The following INPP4B variants were observed in gnomAD, a reference collection of about 807,000 sequenced individuals.
The protein encoded by INPP4B is inositol polyphosphate-4-phosphatase type II B, also known as inositol polyphosphate 4-phosphatase type II.
In INPP4B, 55 loss-of-function variants were observed where a neutral mutation model predicts 122.5. That is an observed-to-expected ratio of 0.45 (90% CI 0.36 to 0.56). The LOEUF is 0.56. Ranked by LOEUF, INPP4B falls within the 20% of genes least tolerant of loss-of-function variation. The probability of loss-of-function intolerance (pLI) is 0.00; values close to 1 mark genes in which losing one functional copy is unlikely to be tolerated. For synonymous variants in INPP4B, 403 were observed against 388.7 expected, an observed-to-expected ratio of 1.04 and a Z score of -0.43; for missense variants, 1,000 against 1,097.7, an observed-to-expected ratio of 0.91 and a Z score of 1.26.
At chr4:142,562,031 G>C (rs1730588475) in intron 2 of INPP4B, among the ~76,000 whole-genome samples, 2 of 151,170 alleles carry the variant, frequency 1.3e-5, no homozygotes, top group Non-Finnish European at 2.9e-5. Context: ...ACTTCTCACA[G>C]GGGGAAAAAG....
intron 18 of INPP4B, among the ~76,000 whole-genome samples, chr4:142,132,033 G>T (rs1011703563): frequency 6.6e-6 from 1 of 151,458 alleles, no homozygotes; most frequent in Non-Finnish European, 1.5e-5. Context: ...CCTCTATCTC[G>T]GTTTCTCTGT....
At chr4:142,142,803 G>C (rs752840397) in intron 18 of INPP4B, among the ~76,000 whole-genome samples, 7 of 152,020 alleles carry the variant, frequency 4.6e-5, no homozygotes, top group Admixed American at 2.6e-4. Flanking sequence ...AATGATAAAC[G>C]TTTAAAGTGA....
chr4:142,701,736 A>G (rs1353600146), intron 2 of INPP4B, among the ~76,000 whole-genome samples: 1 of 152,114 alleles, frequency 6.6e-6, no homozygotes, highest in Non-Finnish European at 1.5e-5. Context: ...CAGAGGACAC[A>G]GTCGACTATG....
chr4:142,260,892 A>C (rs1739643048), intron 10 of INPP4B, among the ~76,000 whole-genome samples: 1 of 152,212 alleles, frequency 6.6e-6, no homozygotes, highest in Admixed American at 6.5e-5. Flanking sequence ...ATCATTTTGT[A>C]TTTCTTTCAC....
intron 2 of INPP4B, among the ~76,000 whole-genome samples, chr4:142,719,681 C>T (rs1764257582): frequency 6.6e-6 from 1 of 151,934 alleles, no homozygotes; most frequent in South Asian, 2.1e-4. Context: ...TTCTTAAAAA[C>T]TAAAAAATTA....
chr4:142,514,792 C>CTTTTTTT (rs3078620), intron 2 of INPP4B, among the ~76,000 whole-genome samples: 5 of 121,778 alleles, frequency 4.1e-5, no homozygotes, highest in Admixed American at 8.8e-5. Context: ...ACCATGATTT[C>CTTTTTTT]TTTTTTTTTT....
In INPP4B at chr4:142,184,883, G is replaced by A. The variant is rs147043067; in HGVS notation, c.1181+8204C>T. On this transcript the variant is annotated intron_variant, in intron 15 of 25. Transcript: ENST00000262992. ...AGAAGAAACCATGGCCAGAACACAT[G>A]TATATATTATTGCACCTTAGATTTT... Among the ~76,000 whole-genome samples, 9 of 152,274 alleles carry A rather than the reference G, an allele frequency of 5.9e-5. No individual in the cohort carries two copies. In the East Asian group the frequency reaches 1.5e-3, roughly 26 times the overall value.
chr4:142,611,855 G>C (rs1742612142), intron 2 of INPP4B, among the ~76,000 whole-genome samples: 4 of 151,866 alleles, frequency 2.6e-5, no homozygotes, highest in Admixed American at 2.6e-4. Context: ...TTTTAGTAGA[G>C]ATGGGGTTTC....
chr4:142,293,561 T>G (rs1757341860), intron 9 of INPP4B, among the ~76,000 whole-genome samples: 1 of 152,230 alleles, frequency 6.6e-6, no homozygotes, highest in Non-Finnish European at 1.5e-5. Flanking sequence ...AAAATCTGTC[T>G]TGTCTATTAT....
chr4:142,030,232 T>A, intron 25 of INPP4B: 1 of 1,535,642 alleles, frequency 6.5e-7, no homozygotes, highest in Non-Finnish European at 8.7e-7. Flanking sequence ...TGTCGAGAAG[T>A]TGGCTTGTTA....
chr4:142,797,521 A>T (rs149108776), intron 1 of INPP4B, among the ~76,000 whole-genome samples: 17 of 152,084 alleles, frequency 1.1e-4, no homozygotes, highest in African/African-American at 4.1e-4. Context: ...AGGTGATTGT[A>T]CTCCTACAAA....
At chr4:142,335,003 C>A (rs1052689637) in intron 7 of INPP4B, among the ~76,000 whole-genome samples, 1 of 151,430 alleles carries the variant, frequency 6.6e-6, no homozygotes, top group African/African-American at 2.4e-5. Flanking sequence ...GGCAAACACT[C>A]CCCTGAAAGC....
At chr4:142,178,613 T>C (rs1829398777) in intron 15 of INPP4B, among the ~76,000 whole-genome samples, 1 of 151,874 alleles carries the variant, frequency 6.6e-6, no homozygotes, top group Admixed American at 6.6e-5. Flanking sequence ...AGTGGAGCCA[T>C]TAAAAAATAG....
At chr4:142,277,454 G>A (rs1036829959) in intron 9 of INPP4B, among the ~76,000 whole-genome samples, 1 of 151,852 alleles carries the variant, frequency 6.6e-6, no homozygotes, top group African/African-American at 2.4e-5. Context: ...ATGTAAACTA[G>A]TATAACCACT....
chr4:142,783,858 G>T (rs1291922048), intron 1 of INPP4B, among the ~76,000 whole-genome samples: 3 of 151,918 alleles, frequency 2.0e-5, no homozygotes, highest in Admixed American at 2.0e-4. Flanking sequence ...TGTAGAGCAG[G>T]GTAAGAGGAA....
At chr4:142,517,115 C>T (rs1580262715) in intron 2 of INPP4B, among the ~76,000 whole-genome samples, 2 of 151,946 alleles carry the variant, frequency 1.3e-5, no homozygotes, top group East Asian at 1.9e-4. Flanking sequence ...TCCCACCTTC[C>T]ACCCTCTGCA....
intron 2 of INPP4B, among the ~76,000 whole-genome samples, chr4:142,531,136 A>G (rs949476652): frequency 3.3e-5 from 5 of 152,058 alleles, no homozygotes; most frequent in Admixed American, 2.6e-4. Context: ...GGGGCGGAGA[A>G]TTGTCTAGAT....
chr4:142,465,381 A>T (rs1385496541), intron 2 of INPP4B, among the ~76,000 whole-genome samples: 1 of 152,220 alleles, frequency 6.6e-6, no homozygotes, highest in Non-Finnish European at 1.5e-5. Flanking sequence ...ACAAGACGTT[A>T]TTTAACATTT....
intron 7 of INPP4B, among the ~76,000 whole-genome samples, chr4:142,359,611 A>G (rs188438561): frequency 8.4e-4 from 127 of 152,084 alleles, no homozygotes; most frequent in African/African-American, 3.0e-3. Flanking sequence ...AAAATTCTTA[A>G]CTATTTATCA....
Sources: allele counts gnomAD v4.1 joint callset (sites outside exome capture counted in the v4.1 genomes callset), GRCh38; gene constraint gnomAD v4.1.1; transcripts MANE v1.5; gene names NCBI Gene and HGNC (gene_info 2026-07-23, HGNC 2026-07-21).